CASP1: variants seen among roughly 807,000 people sequenced by gnomAD.
CASP1 encodes caspase-1.
In CASP1, 31 loss-of-function variants were observed where a neutral mutation model predicts 41.2. The observed-to-expected ratio is 0.75, with a 90% CI of 0.57 to 1.02. The LOEUF (loss-of-function observed/expected upper bound fraction) is 1.02, where lower values mean the gene tolerates loss of function less well. Among genes scored for constraint, CASP1 ranks in the 50% least tolerant of loss-of-function variants. CASP1 has a pLI of 0.00. For synonymous variants in CASP1, 163 were observed against 166.5 expected (o/e 0.98, Z 0.16); for missense variants, 490 against 495.7 (o/e 0.99, Z 0.11).
In CASP1 at chr11:105,025,663, A is replaced by G; in HGVS notation, c.*595T>C. 1 of 388,474 alleles carries G rather than the reference A, an allele frequency of 2.6e-6. No homozygotes were observed. The allele number at this position is 388,474 out of a possible 1,614,324, so 24.1% of individuals were successfully genotyped here. On this transcript the variant is annotated 3_prime_UTR_variant, in exon 9 of 9. Coordinates refer to ENST00000533400, the MANE Select transcript of CASP1 (RefSeq NM_001257118.3). ...GAAAGAATTTTGTTAAAGACATGCA[A>G]GTTATAAAGTTATACCACCAATGGG... is the stretch of plus-strand genomic sequence containing the variant.
At position 105,030,238 on chromosome 11, in the gene CASP1, A is replaced by T. The variant is rs915713883; in HGVS notation, c.627+92T>A. ...AGTTTGTATTTTAGATTATCAAGAGATTACATTTCTTGGTCTTACAACCAA... is the reference window on the plus strand; with the variant it reads ...AGTTTGTATTTTAGATTATCAAGAGTTTACATTTCTTGGTCTTACAACCAA... On this transcript the variant is annotated intron_variant, in intron 5 of 8. Coordinates refer to ENST00000533400, the MANE Select transcript of CASP1 (RefSeq NM_001257118.3). The T allele has an allele frequency of 7.5e-6, 8 of 1,073,414 alleles. No homozygotes were observed. In the Admixed American group the frequency reaches 1.1e-4, roughly 15 times the overall value. The allele number at this position is 1,073,414 out of a possible 1,614,324, so 66.5% of individuals were successfully genotyped here.
At chr11:105,033,993 G>C in intron 2 of CASP1, 1 of 855,508 alleles carries the variant, frequency 1.2e-6, no homozygotes, top group Non-Finnish European at 2.0e-6. Context: ...CTCAGAACAG[G>C]AAATGAGCTT....
At chr11:105,031,446 A>G (rs562853587) in intron 3 of CASP1, among the ~76,000 whole-genome samples, 166 bp from the exon 4 acceptor site, 4 of 152,214 alleles carry the variant, frequency 2.6e-5, no homozygotes, top group Non-Finnish European at 5.9e-5. Context: ...CTCCTAATGG[A>G]GCACATTTCA....
chr11:105,026,431 A>T, intron 8 of CASP1, 75 bp from the exon 9 acceptor site: 2 of 877,618 alleles, frequency 2.3e-6, no homozygotes, highest in Non-Finnish European at 3.7e-6. Flanking sequence ...GAGTTATGCC[A>T]AAAAACTACA....
rs994248249 is a variant in CASP1, at chr11:105,030,362, T to C, written c.595A>G (p.Ser199Gly). Reference sequence around the variant, plus strand: ...GTGAGATTTTTTTTCACATCTACGCTGTACCCCAGATTTTGTAGCAGCATT... The same window carrying C: ...GTGAGATTTTTTTTCACATCTACGCCGTACCCCAGATTTTGTAGCAGCATT... Reference protein sequence around the residue: ...MTMLLQNLGYSVDVKKNLTAS... With the variant: ...MTMLLQNLGYGVDVKKNLTAS... The change falls in exon 5 of 9, where the codon AGC becomes GGC. Residue 199 changes from serine to glycine, a missense_variant. Physicochemically the swap from Ser to Gly is moderately conservative, Grantham distance 56 (BLOSUM62 0). Transcript: ENST00000533400. 1.9e-6 allele frequency: 3 copies of C among 1,613,668 alleles called. No homozygotes were observed. The highest frequency in any genetic ancestry group is 2.5e-6 in the Non-Finnish European group (3 of 1,179,690).
chr11:105,035,628 T>TG (rs1863981096), upstream of CASP1, among the ~76,000 whole-genome samples: 1 of 144,798 alleles, frequency 6.9e-6, no homozygotes. Flanking sequence ...GTTTTTTTTT[T>TG]TTTCTGATAC....
chr11:105,030,703 T>A (rs1863637781), intron 4 of CASP1, 200 bp from the exon 5 acceptor site: 1 of 496,384 alleles, frequency 2.0e-6, no homozygotes, highest in Admixed American at 3.8e-5. Context: ...GCAGCTGAGC[T>A]TCTGACTTCG....
At chr11:105,030,012 C>A (rs1182719704) in intron 5 of CASP1, 113 bp from the exon 6 acceptor site, 7 of 860,786 alleles carry the variant, frequency 8.1e-6, no homozygotes, top group Admixed American at 7.6e-5. Flanking sequence ...TGACAAACAA[C>A]AGGGTGCCAA....
chr11:105,027,300 G>A, intron 7 of CASP1: 2 of 406,966 alleles, frequency 4.9e-6, no homozygotes, highest in Non-Finnish European at 8.8e-6. Context: ...CAGTCTACAT[G>A]GGGTAATTAT....
At chr11:105,035,616 C>CTTTTTTTTTTTTTTTT (rs770202897), upstream of CASP1, among the ~76,000 whole-genome samples, 50 of 52,076 alleles carry the variant, frequency 9.6e-4, 5 homozygotes, top group African/African-American at 1.3e-3. Flanking sequence ...TTTTTTCTTT[C>CTTTTTTTTTTTTTTTT]TGTTTTTTTT....
At chr11:105,030,188 T>C (rs1245446007) in intron 5 of CASP1, 142 bp downstream of exon 5, 1 of 706,542 alleles carries the variant, frequency 1.4e-6, no homozygotes, top group Non-Finnish European at 2.4e-6. Context: ...AAGGACCATG[T>C]AGTATCCAGC....
At chr11:105,035,304 C>G, upstream of CASP1, 2 of 727,100 alleles carry the variant, frequency 2.8e-6, no homozygotes, top group Non-Finnish European at 4.7e-6. Flanking sequence ...TTTTCTTCAC[C>G]AGCCCTTGGA....
chr11:105,026,078 C>T lies in CASP1; in HGVS notation c.*180G>A, dbSNP rs202143165. On this transcript the variant is annotated 3_prime_UTR_variant, in exon 9 of 9. Coordinates refer to ENST00000533400, the MANE Select transcript of CASP1 (RefSeq NM_001257118.3). Reference sequence around the variant, plus strand: ...ACATTTCCTTTGAATATCATGTGGGCGCTCACACAGTGTTGGATTTTAGAG... The same window carrying T: ...ACATTTCCTTTGAATATCATGTGGGTGCTCACACAGTGTTGGATTTTAGAG... 455 of 472,744 alleles carry T rather than the reference C, an allele frequency of 9.6e-4. 4 individuals carry two copies. The East Asian group carries it at 0.014, about 14-fold the overall frequency. 29.3% of individuals were successfully genotyped at this position (472,744 alleles called of 1,614,324 possible). A position where few individuals can be genotyped will look rare whatever the true frequency, so the allele number is the denominator to read the frequency against.
Position 105,027,156 on chromosome 11 carries a change from CTG to C in CASP1, c.1007-207_1007-206del, listed in dbSNP as rs1392757019. 4 of 625,006 alleles carry C rather than the reference CTG, an allele frequency of 6.4e-6. No homozygotes were observed. The Admixed American group carries it at 1.1e-4, about 17-fold the overall frequency. 38.7% of individuals were successfully genotyped at this position (625,006 alleles called of 1,614,324 possible). A position where few individuals can be genotyped will look rare whatever the true frequency, so the allele number is the denominator to read the frequency against. On this transcript the variant is annotated intron_variant, in intron 7 of 8. Transcript: ENST00000533400. Reference sequence around the variant, plus strand: ...TGCATTCCCAAAGTGGTATTACTGACTGTGATTTAAGTTAATTATGCATTCTG... The same window carrying C: ...TGCATTCCCAAAGTGGTATTACTGACTGATTTAAGTTAATTATGCATTCTG...
chr11:105,033,668 C>T (rs1432728198), intron 2 of CASP1, among the ~76,000 whole-genome samples: 1 of 152,140 alleles, frequency 6.6e-6, no homozygotes, highest in East Asian at 1.9e-4. Flanking sequence ...TACAAGGAGG[C>T]AACTGGAGGA....
chr11:105,033,934 A>G, intron 2 of CASP1: 1 of 740,910 alleles, frequency 1.3e-6, no homozygotes, highest in Non-Finnish European at 2.5e-6. Flanking sequence ...ACACAGCATG[A>G]AGCTTTTCAG....
In CASP1 at chr11:105,025,604, T is replaced by G. The variant is rs1163987129; in HGVS notation, c.*654A>C. On this transcript the variant is annotated 3_prime_UTR_variant, in exon 9 of 9. Coordinates refer to ENST00000533400, the MANE Select transcript of CASP1 (RefSeq NM_001257118.3). ...TACAGAAGGATCTCTTCACTTCCTA[T>G]GAGAAAAAGAAATAATTAAAAAAAA... The G allele has an allele frequency of 2.5e-6, 1 of 400,822 alleles. No homozygotes were observed. The highest frequency in any genetic ancestry group is 3.3e-5 in the Admixed American group (1 of 29,968). 24.8% of individuals were successfully genotyped at this position (400,822 alleles called of 1,614,324 possible).
At position 105,029,244 on chromosome 11, in the gene CASP1, T is replaced by C. The variant is rs777210197; in HGVS notation, c.886A>G (p.Lys296Glu). 1 of 1,613,086 alleles carries C rather than the reference T, an allele frequency of 6.2e-7. No individual in the cohort carries two copies. The highest frequency in any genetic ancestry group is 2.2e-5 in the East Asian group (1 of 44,856). ...RGDSPGVVWFKDSVGVSGNLS... is the reference protein window; with the variant it reads ...RGDSPGVVWFEDSVGVSGNLS... ...TTTCCAGAAACTCCTACTGAATCTT[T>C]AAACCACACCACACCAGGGCTGTCT... Residue 296 changes from lysine (K) to glutamate (E), a missense_variant, in exon 7 of 9, where the codon AAA becomes GAA. Physicochemically the swap from Lys to Glu is moderately conservative, Grantham distance 56. Coordinates refer to ENST00000533400, the MANE Select transcript of CASP1 (RefSeq NM_001257118.3).
chr11:105,035,326 A>T, upstream of CASP1: 2 of 613,090 alleles, frequency 3.3e-6, no homozygotes, highest in Non-Finnish European at 5.8e-6. Context: ...AGATCAGGGT[A>T]GGAGGGGAAT....
Sources: allele counts gnomAD v4.1 joint callset (sites outside exome capture counted in the v4.1 genomes callset), GRCh38; gene constraint gnomAD v4.1.1; transcripts MANE v1.5; gene names NCBI Gene and HGNC (gene_info 2026-07-23, HGNC 2026-07-21).